The following ANO3 variants were observed in gnomAD, a reference collection of about 807,000 sequenced individuals.
ANO3 encodes the protein anoctamin 3.
In ANO3, 99 loss-of-function variants were observed where a neutral mutation model predicts 144.8. The observed-to-expected ratio is 0.68, with a 90% CI of 0.58 to 0.81. The LOEUF (loss-of-function observed/expected upper bound fraction) is 0.81. Ranked by LOEUF, ANO3 falls within the 30% of genes least tolerant of loss-of-function variation. ANO3 has a pLI of 0.00. For missense variants in ANO3, 905 were observed against 1,202.2 expected (o/e 0.75, Z 3.66); for synonymous variants, 414 against 392.6 (o/e 1.05, Z -0.64).
intron 1 of ANO3, among the ~76,000 whole-genome samples, chr11:26,202,704 T>A (rs1397375902): frequency 6.6e-6 from 1 of 151,602 alleles, no homozygotes; most frequent in East Asian, 1.9e-4. Context: ...CACGAAGGCA[T>A]GAGAAAGCAA....
chr11:26,443,421 G>C (rs1010223950), intron 2 of ANO3, among the ~76,000 whole-genome samples: 2 of 151,998 alleles, frequency 1.3e-5, no homozygotes, highest in Non-Finnish European at 1.5e-5. Context: ...GGCCAAGATG[G>C]TGAAACCCTG....
At chr11:26,281,405 A>G (rs1357750045) in intron 1 of ANO3, among the ~76,000 whole-genome samples, 2 of 152,222 alleles carry the variant, frequency 1.3e-5, no homozygotes, top group Non-Finnish European at 2.9e-5. Context: ...TATGACTAAA[A>G]TAATGAGATA....
chr11:26,323,518 T>C (rs1854810466), intron 1 of ANO3, among the ~76,000 whole-genome samples: 1 of 152,104 alleles, frequency 6.6e-6, no homozygotes, highest in Non-Finnish European at 1.5e-5. Flanking sequence ...TCTTTTCTTA[T>C]GGGTCTGTGA....
intron 20 of ANO3, among the ~76,000 whole-genome samples, chr11:26,636,341 G>A (rs61445768): frequency 0.021 from 3,130 of 152,218 alleles, 68 homozygotes; most frequent in Middle Eastern, 0.065. Context: ...GTTTGTTTTA[G>A]GATATTTGTG....
intron 1 of ANO3, among the ~76,000 whole-genome samples, chr11:26,240,198 A>C (rs1852632488): frequency 6.6e-6 from 1 of 152,202 alleles, no homozygotes; most frequent in Non-Finnish European, 1.5e-5. Flanking sequence ...CTGATAGTAC[A>C]TAGTAAATAT....
chr11:26,294,213 G>C (rs1291358981), intron 1 of ANO3, among the ~76,000 whole-genome samples: 3 of 152,140 alleles, frequency 2.0e-5, no homozygotes, highest in Non-Finnish European at 4.4e-5. Context: ...AAAATATGAT[G>C]ATTGCCTCAA....
intron 1 of ANO3, among the ~76,000 whole-genome samples, chr11:26,257,523 T>C (rs915196805): frequency 6.6e-6 from 1 of 152,140 alleles, no homozygotes; most frequent in Admixed American, 6.5e-5. Context: ...AAAAAAATAA[T>C]TTTTTAAAAG....
chr11:26,610,668 T>C (rs1438804889), intron 17 of ANO3, among the ~76,000 whole-genome samples: 1 of 152,184 alleles, frequency 6.6e-6, no homozygotes, highest in African/African-American at 2.4e-5. Flanking sequence ...GTTTTACAGT[T>C]GAGTCTTTAA....
chr11:26,477,057 A>C (rs1042588960), intron 4 of ANO3, among the ~76,000 whole-genome samples: 2 of 152,102 alleles, frequency 1.3e-5, no homozygotes, highest in African/African-American at 4.8e-5. Context: ...TATTTTATTG[A>C]GTAAAACTGG....
chr11:26,375,872 C>A (rs2133943861), intron 1 of ANO3, among the ~76,000 whole-genome samples: 1 of 152,196 alleles, frequency 6.6e-6, no homozygotes, highest in Admixed American at 6.5e-5. Flanking sequence ...AACAACAAAA[C>A]AATGAGTATA....
At chr11:26,462,964 A>T in intron 3 of ANO3, 66 bp from the exon 4 acceptor site, 1 of 728,866 alleles carries the variant, frequency 1.4e-6, no homozygotes, top group Non-Finnish European at 2.2e-6. Context: ...AGGAGAGATT[A>T]GTATGTTTAA....
intron 19 of ANO3, 104 bp downstream of exon 19, chr11:26,634,419 C>G: frequency 1.4e-6 from 1 of 714,652 alleles, no homozygotes; most frequent in Non-Finnish European, 2.3e-6. Flanking sequence ...CAGCCACCAG[C>G]AGCTAAAGTT....
chr11:26,267,577 C>T (rs189454163), intron 1 of ANO3, among the ~76,000 whole-genome samples: 4 of 152,280 alleles, frequency 2.6e-5, no homozygotes, highest in Non-Finnish European at 5.9e-5. Flanking sequence ...TTAAAAATAT[C>T]ACTATCAGCT....
At chr11:26,202,866 A>C (rs1458729237) in intron 1 of ANO3, among the ~76,000 whole-genome samples, 2 of 152,036 alleles carry the variant, frequency 1.3e-5, no homozygotes. Context: ...CCTTCAACAC[A>C]CTCTACATTC....
chr11:26,434,247 C>T (rs72886254), intron 1 of ANO3, among the ~76,000 whole-genome samples: 13,547 of 151,964 alleles, frequency 0.089, 788 homozygotes, highest in African/African-American at 0.17. Flanking sequence ...TACTTTTATT[C>T]CTGTGGGGTC....
intron 17 of ANO3, among the ~76,000 whole-genome samples, chr11:26,617,621 A>G (rs1852298171): frequency 6.6e-6 from 1 of 152,182 alleles, no homozygotes; most frequent in Non-Finnish European, 1.5e-5. Context: ...TTATTGGTCA[A>G]TTTGGCATAA....
chr11:26,643,614 G>A (rs1229188935), intron 23 of ANO3, among the ~76,000 whole-genome samples: 1 of 152,090 alleles, frequency 6.6e-6, no homozygotes, highest in African/African-American at 2.4e-5. Flanking sequence ...AATTAGCCGG[G>A]CATGGTGGTG....
chr11:26,243,338 G>C (rs868579308), intron 1 of ANO3, among the ~76,000 whole-genome samples: 5 of 150,922 alleles, frequency 3.3e-5, no homozygotes, highest in South Asian at 2.1e-4. Context: ...TAAAGTAAAG[G>C]CTTTTTTTTT....
chr11:26,440,405 G>A (rs1228705662), intron 1 of ANO3, among the ~76,000 whole-genome samples: 1 of 151,880 alleles, frequency 6.6e-6, no homozygotes, highest in Non-Finnish European at 1.5e-5. Context: ...GGGGTGTTTA[G>A]GAAAAAATAA....
Sources: allele counts gnomAD v4.1 joint callset (sites outside exome capture counted in the v4.1 genomes callset), GRCh38; gene constraint gnomAD v4.1.1; transcripts MANE v1.5; gene names NCBI Gene and HGNC (gene_info 2026-07-23, HGNC 2026-07-21).